UNC13C: variants seen among roughly 807,000 people sequenced by gnomAD.
The protein encoded by UNC13C is protein unc-13 homolog C.
In UNC13C, 174 loss-of-function variants were observed where a neutral mutation model predicts 245.4. The observed-to-expected ratio is 0.71, with a 90% CI of 0.63 to 0.80. The LOEUF is 0.80. Among genes scored for constraint, UNC13C ranks in the 30% least tolerant of loss-of-function variants. UNC13C has a pLI of 0.00. For missense variants in UNC13C, 2,829 were observed against 2,602.9 expected (o/e 1.09, Z -1.89); for synonymous variants, 992 against 895.1 (o/e 1.11, Z -1.93).
intron 19 of UNC13C, among the ~76,000 whole-genome samples, chr15:54,435,441 A>C (rs938585910): frequency 6.6e-6 from 1 of 152,052 alleles, no homozygotes; most frequent in African/African-American, 2.4e-5. Flanking sequence ...CATAGATGAC[A>C]CTGGAAACTA....
At chr15:54,151,654 T>C (rs926896986) in intron 4 of UNC13C, among the ~76,000 whole-genome samples, 2 of 152,180 alleles carry the variant, frequency 1.3e-5, no homozygotes, top group Non-Finnish European at 2.9e-5. Flanking sequence ...TCTGCCACCC[T>C]GGGCCTCCCA....
In UNC13C at chr15:54,014,945, A is replaced by G. The variant is rs896438228; in HGVS notation, c.2042A>G (p.Asn681Ser). The change falls in exon 2 of 33, where the codon AAC becomes AGC. Residue 681 changes from asparagine (N) to serine (S), a missense_variant. Coordinates refer to ENST00000260323, the MANE Select transcript of UNC13C (RefSeq NM_001080534.3). ...CAGGAAGGTTTTGATTATGAAACAA[A>G]CAGTCTTTTTGACCAACAGCTTGAT... ...STQEGFDYET[N>S]SLFDQQLDVY... 1.2e-6 allele frequency: 2 copies of G among 1,613,780 alleles called. No homozygotes were observed. Among genetic ancestry groups the G allele is most frequent in the African/African-American group, 1.3e-5 (1 of 74,924 alleles).
intron 1 of UNC13C, among the ~76,000 whole-genome samples, chr15:53,988,360 C>G (rs1414077899): frequency 1.3e-5 from 2 of 151,768 alleles, no homozygotes; most frequent in African/African-American, 4.8e-5. Context: ...TATTATTGGT[C>G]AGGGAGAATA....
In UNC13C at chr15:54,307,474, A is replaced by G. The variant is rs933208863; in HGVS notation, c.4268+7101A>G. On this transcript the variant is annotated intron_variant, in intron 13 of 32. Coordinates refer to ENST00000260323, the MANE Select transcript of UNC13C (RefSeq NM_001080534.3). Reference sequence around the variant, plus strand: ...GTTTCAACATATGAGTTTTTCATGAACACAACTGTTCAGACCACAGCACAA... The same window carrying G: ...GTTTCAACATATGAGTTTTTCATGAGCACAACTGTTCAGACCACAGCACAA... 3.9e-5 allele frequency among the ~76,000 whole-genome samples: 6 copies of G among 151,970 alleles called. No homozygotes were observed. In the East Asian group the frequency reaches 5.8e-4, roughly 15 times the overall value.
the UNC13C span, among the ~76,000 whole-genome samples, chr15:53,860,150 A>G: frequency 1.4e-4 from 21 of 152,150 alleles, no homozygotes; most frequent in Non-Finnish European, 2.9e-4. Context: ...GTTCAATTGT[A>G]TTATATAGTT....
intron 13 of UNC13C, among the ~76,000 whole-genome samples, chr15:54,314,696 T>C (rs2037965707): frequency 6.6e-6 from 1 of 151,794 alleles, no homozygotes; most frequent in African/African-American, 2.4e-5. Flanking sequence ...AAAGACTAAG[T>C]TGGAATTACT....
chr15:54,370,214 A>G (rs1442111037), intron 17 of UNC13C, among the ~76,000 whole-genome samples: 1 of 152,266 alleles, frequency 6.6e-6, no homozygotes, highest in East Asian at 1.9e-4. Context: ...GCAAGCGTCA[A>G]ATTGTACAGA....
At chr15:54,092,321 T>G (rs898081625) in intron 2 of UNC13C, among the ~76,000 whole-genome samples, 1 of 152,196 alleles carries the variant, frequency 6.6e-6, no homozygotes, top group African/African-American at 2.4e-5. Context: ...TTTGGGCTGA[T>G]AGGGTCACAA....
Position 54,075,212 on chromosome 15 carries a change from G to A in UNC13C, c.2983+59326G>A, listed in dbSNP as rs146928423. Among the ~76,000 whole-genome samples the A allele has an allele frequency of 4.0e-3, 602 of 152,228 alleles. 1 individual carries two copies. The highest frequency in any genetic ancestry group is 0.014 in the African/African-American group (586 of 41,536). On this transcript the variant is annotated intron_variant, in intron 2 of 32. Coordinates refer to ENST00000260323, the MANE Select transcript of UNC13C (RefSeq NM_001080534.3). ...TCAAAAGTCACATCCAAGGCCGGGCGCGGTGGCTCATGCCTGTAATCCCAG... is the reference window on the plus strand; with the variant it reads ...TCAAAAGTCACATCCAAGGCCGGGCACGGTGGCTCATGCCTGTAATCCCAG...
chr15:54,597,532 G>T (rs561433850), intron 30 of UNC13C, among the ~76,000 whole-genome samples: 127 of 152,288 alleles, frequency 8.3e-4, no homozygotes, highest in African/African-American at 2.9e-3. Flanking sequence ...GGAGAGGGAA[G>T]AATGTTGGGC....
intron 1 of UNC13C, among the ~76,000 whole-genome samples, chr15:54,004,469 A>G (rs1421135432): frequency 2.0e-5 from 3 of 152,204 alleles, no homozygotes; most frequent in Non-Finnish European, 4.4e-5. Context: ...TTCAACAGGC[A>G]TGGGATTGCA....
intron 19 of UNC13C, among the ~76,000 whole-genome samples, chr15:54,448,145 G>T (rs962758985): frequency 3.9e-5 from 6 of 152,160 alleles, no homozygotes; most frequent in African/African-American, 1.2e-4. Context: ...GAGACAGTTT[G>T]TTATAATTTC....
At chr15:53,957,679 A>T in the UNC13C span, among the ~76,000 whole-genome samples, 1 of 152,186 alleles carries the variant, frequency 6.6e-6, no homozygotes, top group African/African-American at 2.4e-5. Flanking sequence ...ATAAGTACCA[A>T]TTTCTGTTGT....
intron 4 of UNC13C, among the ~76,000 whole-genome samples, chr15:54,186,565 T>C (rs1447853021): frequency 1.6e-5 from 2 of 122,484 alleles, no homozygotes; most frequent in Non-Finnish European, 3.2e-5. Flanking sequence ...TACAGTATAA[T>C]TTTTCCTCCA....
At chr15:54,272,280 C>T (rs186416628) in intron 10 of UNC13C, among the ~76,000 whole-genome samples, 62 of 152,108 alleles carry the variant, frequency 4.1e-4, no homozygotes, top group African/African-American at 1.2e-3. Flanking sequence ...GGCTCTCCAC[C>T]GTGCCATGTG....
chr15:54,605,539 A>G (rs1899724237), intron 30 of UNC13C, among the ~76,000 whole-genome samples: 1 of 152,194 alleles, frequency 6.6e-6, no homozygotes, highest in Non-Finnish European at 1.5e-5. Flanking sequence ...AAAAAAATGT[A>G]GCTGCTGGAG....
At chr15:54,546,111 C>T (rs530636273) in intron 26 of UNC13C, among the ~76,000 whole-genome samples, 1 of 152,258 alleles carries the variant, frequency 6.6e-6, no homozygotes, top group South Asian at 2.1e-4. Flanking sequence ...AAATGTGGCA[C>T]ATATACACCA....
chr15:53,904,280 T>A, the UNC13C span, among the ~76,000 whole-genome samples: 4 of 152,188 alleles, frequency 2.6e-5, no homozygotes, highest in Non-Finnish European at 5.9e-5. Context: ...TATGGGATTT[T>A]AACTTTACTC....
chr15:54,185,235 A>T (rs1488578348), intron 4 of UNC13C, among the ~76,000 whole-genome samples: 2 of 151,808 alleles, frequency 1.3e-5, no homozygotes, highest in African/African-American at 4.9e-5. Context: ...GTTCACTCTG[A>T]TGGTGGTTTC....
Sources: allele counts gnomAD v4.1 joint callset (sites outside exome capture counted in the v4.1 genomes callset), GRCh38; gene constraint gnomAD v4.1.1; transcripts MANE v1.5; gene names NCBI Gene and HGNC (gene_info 2026-07-23, HGNC 2026-07-21).